The following CDC37L1 variants were observed in gnomAD, a reference collection of about 807,000 sequenced individuals.
CDC37L1 encodes cell division cycle 37 like 1, HSP90 cochaperone.
CDC37L1 carries 32 observed loss-of-function variants against 45.9 expected under a neutral mutation model. The ratio of observed to expected loss-of-function variants is 0.70; its 90% confidence interval spans 0.53 to 0.94. CDC37L1 has a LOEUF of 0.94. CDC37L1 is among the 40% of genes least tolerant of loss of function. The pLI, the probability that CDC37L1 is intolerant of heterozygous loss-of-function variation, is 0.00. For synonymous variants in CDC37L1, 150 were observed against 133.0 expected, an observed-to-expected ratio of 1.13 and a Z score of -0.88; for missense variants, 434 against 405.7, an observed-to-expected ratio of 1.07 and a Z score of -0.60.
intron 2 of CDC37L1, among the ~76,000 whole-genome samples, chr9:4,687,198 A>G (rs1200173021): frequency 1.3e-5 from 2 of 152,190 alleles, no homozygotes; most frequent in Non-Finnish European, 2.9e-5. Context: ...GGCAGTGATG[A>G]TAACGGGGTA....
chr9:4,686,724 C>T (rs1841250983), intron 2 of CDC37L1, among the ~76,000 whole-genome samples: 2 of 152,150 alleles, frequency 1.3e-5, no homozygotes, highest in South Asian at 4.1e-4. Context: ...AAATCCTACA[C>T]TGGTTTTGTC....
At chr9:4,697,932 C>T (rs183365350) in intron 5 of CDC37L1, 53 bp downstream of exon 5, 3 of 1,564,180 alleles carry the variant, frequency 1.9e-6, no homozygotes, top group Non-Finnish European at 2.6e-6. Flanking sequence ...CAGCTGAGAC[C>T]TCTTTGTTCT....
At chr9:4,682,561 G>A (rs996095865) in intron 1 of CDC37L1, among the ~76,000 whole-genome samples, 4 of 151,918 alleles carry the variant, frequency 2.6e-5, no homozygotes, top group African/African-American at 7.3e-5. Flanking sequence ...GCTCCTCCTC[G>A]TGATCCGCCC....
At chr9:4,703,247 C>A in intron 6 of CDC37L1, 3 of 637,200 alleles carry the variant, frequency 4.7e-6, no homozygotes, top group Non-Finnish European at 6.9e-6. Flanking sequence ...CCTTATCTCA[C>A]TGTAATTTCA....
intron 1 of CDC37L1, among the ~76,000 whole-genome samples, chr9:4,680,580 T>G (rs538031223): frequency 6.6e-6 from 1 of 150,410 alleles, no homozygotes; most frequent in African/African-American, 2.5e-5. Context: ...AATCCAGCAT[T>G]CCTGCCTTCC....
intron 4 of CDC37L1, 71 bp downstream of exon 4, chr9:4,697,282 T>A: frequency 1.3e-6 from 1 of 758,696 alleles, no homozygotes; most frequent in Non-Finnish European, 2.3e-6. Context: ...ATTGATGTTT[T>A]GTTTTGTTTT....
At chr9:4,680,115 C>A (rs558206819) in intron 1 of CDC37L1, among the ~76,000 whole-genome samples, 1 of 152,186 alleles carries the variant, frequency 6.6e-6, no homozygotes. Context: ...ACCTCCACCT[C>A]CACGCACATG....
chr9:4,699,162 G>A (rs973626580), intron 5 of CDC37L1, among the ~76,000 whole-genome samples: 6 of 152,106 alleles, frequency 3.9e-5, no homozygotes, highest in Admixed American at 6.6e-5. Flanking sequence ...CTAGATTGCC[G>A]TAATGTTCAT....
chr9:4,699,850 G>C (rs1222642879), intron 5 of CDC37L1, among the ~76,000 whole-genome samples: 1 of 151,984 alleles, frequency 6.6e-6, no homozygotes, highest in African/African-American at 2.4e-5. Context: ...GGATATATTT[G>C]AACATATACA....
At chr9:4,684,805 A>T in intron 1 of CDC37L1, 72 bp from the exon 2 acceptor site, 1 of 1,117,618 alleles carries the variant, frequency 8.9e-7, no homozygotes, top group Non-Finnish European at 1.3e-6. Flanking sequence ...CCTTTGAATT[A>T]AGAAAAATTG....
intron 6 of CDC37L1, among the ~76,000 whole-genome samples, chr9:4,702,475 G>C (rs1169915020): frequency 2.0e-5 from 3 of 152,002 alleles, no homozygotes; most frequent in Non-Finnish European, 4.4e-5. Context: ...TTAAATGTTG[G>C]GTCTACCAGA....
intron 4 of CDC37L1, among the ~76,000 whole-genome samples, chr9:4,697,472 T>A (rs542931674): frequency 6.6e-5 from 10 of 152,154 alleles, no homozygotes; most frequent in Non-Finnish European, 1.3e-4. Flanking sequence ...TGTTTTCATA[T>A]TACTATAATC....
intron 1 of CDC37L1, among the ~76,000 whole-genome samples, chr9:4,680,521 A>C (rs545271839): frequency 6.6e-6 from 1 of 152,126 alleles, no homozygotes; most frequent in Non-Finnish European, 1.5e-5. Context: ...ATACGCATAT[A>C]CTTGTGTTTT....
chr9:4,679,947 C>T (rs545423938), intron 1 of CDC37L1, 48 bp downstream of exon 1: 1 of 1,605,470 alleles, frequency 6.2e-7, no homozygotes. Flanking sequence ...GTGCTGTCGC[C>T]AAACCCCTGG....
chr9:4,691,424 A>G (rs937103922), intron 3 of CDC37L1, among the ~76,000 whole-genome samples: 2 of 152,118 alleles, frequency 1.3e-5, no homozygotes, highest in Non-Finnish European at 2.9e-5. Flanking sequence ...AATATGCGGT[A>G]TTTGGTTTTC....
chr9:4,679,868 G>C lies in CDC37L1; in HGVS notation c.101G>C (p.Arg34Pro). The change falls in exon 1 of 7, where the codon CGC becomes CCC. Residue 34 changes from arginine (R) to proline (P), a missense_variant. Arg to Pro is a moderately radical substitution (Grantham distance 103). Coordinates refer to ENST00000381854, the MANE Select transcript of CDC37L1 (RefSeq NM_017913.4). ...TTCGACGTGTTCCCCAGTTCTCCCC[G>C]CTGCCCGCAGCTGCCAGGCGGCGGC... ...SDFDVFPSSP[R>P]CPQLPGGGAQ... is the part of the protein sequence containing the mutation. 6.2e-7 allele frequency: 1 copy of C among 1,613,826 alleles called. No homozygotes were observed. The highest frequency in any genetic ancestry group is 8.5e-7 in the Non-Finnish European group (1 of 1,179,926).
At chr9:4,700,066 C>G (rs534564598) in intron 5 of CDC37L1, among the ~76,000 whole-genome samples, 1 of 152,110 alleles carries the variant, frequency 6.6e-6, no homozygotes, top group South Asian at 2.1e-4. Flanking sequence ...GAAATGCAAC[C>G]AAAATATGAA....
At chr9:4,702,093 C>T in intron 6 of CDC37L1, 65 bp downstream of exon 6, 2 of 803,662 alleles carry the variant, frequency 2.5e-6, no homozygotes, top group Non-Finnish European at 1.8e-6. Flanking sequence ...TGTTATTTTG[C>T]CCCACTCTTT....
chr9:4,689,540 A>G (rs773935508), intron 3 of CDC37L1, among the ~76,000 whole-genome samples: 20 of 152,146 alleles, frequency 1.3e-4, no homozygotes, highest in Non-Finnish European at 2.8e-4. Flanking sequence ...TTATTCGTAA[A>G]ATATTCACTT....
Sources: allele counts gnomAD v4.1 joint callset (sites outside exome capture counted in the v4.1 genomes callset), GRCh38; gene constraint gnomAD v4.1.1; transcripts MANE v1.5; gene names NCBI Gene and HGNC (gene_info 2026-07-23, HGNC 2026-07-21).